Variants in NAALADL2 observed in about 807,000 individuals in gnomAD.
NAALADL2 encodes inactive N-acetylated-alpha-linked acidic dipeptidase-like protein 2.
A neutral mutation model predicts 87.2 loss-of-function variants in NAALADL2; 76 were observed. The observed-to-expected ratio is 0.87, with a 90% CI of 0.72 to 1.05. The LOEUF (loss-of-function observed/expected upper bound fraction) is 1.05. Among genes scored for constraint, NAALADL2 ranks in the 50% least tolerant of loss-of-function variants. NAALADL2 has a pLI of 0.00. For missense variants in NAALADL2, 1,089 were observed against 945.8 expected (o/e 1.15, Z -1.99); for synonymous variants, 354 against 331.0 (o/e 1.07, Z -0.75).
chr3:175,028,839 C>A (rs1752493076), intron 1 of NAALADL2, among the ~76,000 whole-genome samples: 1 of 151,324 alleles, frequency 6.6e-6, no homozygotes, highest in African/African-American at 2.4e-5. Flanking sequence ...CAAATTAAAC[C>A]AAAAATCTTA....
At chr3:175,367,862 G>A (rs369771712) in intron 5 of NAALADL2, among the ~76,000 whole-genome samples, 42 of 152,120 alleles carry the variant, frequency 2.8e-4, no homozygotes, top group Non-Finnish European at 4.9e-4. Context: ...TCTCCTGCCT[G>A]ATTGCCCTGG....
intron 11 of NAALADL2, among the ~76,000 whole-genome samples, chr3:175,734,417 C>T (rs185777607): frequency 8.4e-4 from 128 of 151,698 alleles, no homozygotes; most frequent in African/African-American, 2.7e-3. Flanking sequence ...ATTAGCTGGG[C>T]GTGGTGGTGG....
chr3:175,712,297 A>C (rs1398152181), intron 11 of NAALADL2, among the ~76,000 whole-genome samples: 4 of 152,090 alleles, frequency 2.6e-5, no homozygotes, highest in Admixed American at 2.0e-4. Context: ...ATCCGTCTGC[A>C]TGGCAATATT....
At chr3:174,595,548 T>C (rs1717806317) in intron 2 of NAALADL2, among the ~76,000 whole-genome samples, 1 of 152,156 alleles carries the variant, frequency 6.6e-6, no homozygotes, top group Non-Finnish European at 1.5e-5. Flanking sequence ...TCAGTTGAAC[T>C]CCCACCACTT....
Position 175,737,395 on chromosome 3 carries a change from TA to T in NAALADL2, c.1989del (p.Gly664ValfsTer10). On this transcript the variant is annotated frameshift_variant, in exon 12 of 14. Coordinates refer to ENST00000454872, the MANE Select transcript of NAALADL2 (RefSeq NM_207015.3). LOFTEE classifies it high-confidence loss of function. ...TAGCTTTAGAAGTTCAAAACAACCTTAAAGGTAATTTTCCTTTGAATTATAG... is the reference window on the plus strand; with the variant it reads ...TAGCTTTAGAAGTTCAAAACAACCTTAAGGTAATTTTCCTTTGAATTATAG... ...DIALEVQNNL[K>X]GDQPNTHQLL... 6.3e-7 allele frequency: 1 copy of T among 1,578,602 alleles called. No individual in the cohort carries two copies. Among genetic ancestry groups the T allele is most frequent in the Non-Finnish European group, 8.7e-7 (1 of 1,149,632 alleles).
intron 3 of NAALADL2, among the ~76,000 whole-genome samples, chr3:174,827,004 T>A (rs543709046): frequency 6.6e-6 from 1 of 152,334 alleles, no homozygotes; most frequent in Non-Finnish European, 1.5e-5. Flanking sequence ...TGAATAAGAA[T>A]CATTCATGAT....
chr3:175,732,682 A>G (rs1036645387), intron 11 of NAALADL2, among the ~76,000 whole-genome samples: 5 of 151,982 alleles, frequency 3.3e-5, no homozygotes, highest in African/African-American at 1.2e-4. Context: ...GGGCAGGGAG[A>G]CCTTGAGGCT....
At chr3:175,395,585 G>T (rs1769673369) in intron 5 of NAALADL2, among the ~76,000 whole-genome samples, 1 of 152,140 alleles carries the variant, frequency 6.6e-6, no homozygotes, top group Non-Finnish European at 1.5e-5. Context: ...ATAGGAAACT[G>T]ACCCATCATT....
intron 9 of NAALADL2, among the ~76,000 whole-genome samples, chr3:175,574,572 T>C (rs1336505701): frequency 6.6e-6 from 1 of 152,154 alleles, no homozygotes; most frequent in Admixed American, 6.5e-5. Flanking sequence ...TGTGTCTGGT[T>C]ACAGGAACTG....
chr3:174,658,944 A>G (rs889033425), intron 2 of NAALADL2, among the ~76,000 whole-genome samples: 4 of 152,144 alleles, frequency 2.6e-5, no homozygotes, highest in Non-Finnish European at 4.4e-5. Context: ...TCATTACACT[A>G]TATTTCAATT....
At chr3:175,311,004 C>CG (rs35937290) in intron 4 of NAALADL2, among the ~76,000 whole-genome samples, 1 of 151,630 alleles carries the variant, frequency 6.6e-6, no homozygotes, top group Non-Finnish European at 1.5e-5. Context: ...GTTTCCCCCG[C>CG]AATATTGGCT....
At chr3:175,050,686 T>C (rs979023249) in intron 1 of NAALADL2, among the ~76,000 whole-genome samples, 3 of 152,168 alleles carry the variant, frequency 2.0e-5, no homozygotes, top group African/African-American at 7.2e-5. Flanking sequence ...TACCATACTA[T>C]AAAGGTAAAG....
chr3:174,713,897 T>A (rs375907164), intron 2 of NAALADL2, among the ~76,000 whole-genome samples: 23 of 152,154 alleles, frequency 1.5e-4, no homozygotes, highest in Middle Eastern at 3.4e-3. Flanking sequence ...CTGAATGGTA[T>A]TGCCTAGGTT....
intron 13 of NAALADL2, among the ~76,000 whole-genome samples, chr3:175,764,731 G>A (rs1427868118): frequency 6.6e-6 from 1 of 152,028 alleles, no homozygotes; most frequent in Non-Finnish European, 1.5e-5. Context: ...AAATGAGACG[G>A]AACTATTAAA....
At chr3:175,138,924 A>ATATATATATG (rs1729571561) in intron 2 of NAALADL2, among the ~76,000 whole-genome samples, 2 of 136,980 alleles carry the variant, frequency 1.5e-5, no homozygotes, top group Non-Finnish European at 1.6e-5. Flanking sequence ...ATATATATAT[A>ATATATATATG]TGATAGTGAA....
At chr3:175,172,033 A>G (rs1478180577) in intron 2 of NAALADL2, among the ~76,000 whole-genome samples, 1 of 152,150 alleles carries the variant, frequency 6.6e-6, no homozygotes, top group African/African-American at 2.4e-5. Flanking sequence ...AAAGTCTTTT[A>G]TATTTTAAAG....
intron 2 of NAALADL2, among the ~76,000 whole-genome samples, chr3:175,190,820 CAA>C (rs906273664): frequency 6.6e-6 from 1 of 150,778 alleles, no homozygotes; most frequent in East Asian, 2.0e-4. Flanking sequence ...ACTAAAAATA[CAA>C]AAAAAATTAG....
At chr3:174,884,518 G>T (rs868591562) in intron 1 of NAALADL2, among the ~76,000 whole-genome samples, 3 of 152,168 alleles carry the variant, frequency 2.0e-5, no homozygotes, top group African/African-American at 7.2e-5. Flanking sequence ...AGGCAATGCT[G>T]TGTGGAATAC....
chr3:174,513,786 C>G (rs1034048410), intron 1 of NAALADL2, among the ~76,000 whole-genome samples: 1 of 152,188 alleles, frequency 6.6e-6, no homozygotes, highest in African/African-American at 2.4e-5. Context: ...TTTGGAGGGA[C>G]AGCACTTCAT....
Sources: gnomAD v4.1 joint callset for allele counts (sites outside exome capture counted in the v4.1 genomes callset) on GRCh38, gnomAD v4.1.1 for gene constraint, MANE v1.5 for transcripts, NCBI Gene and HGNC (gene_info 2026-07-23, HGNC 2026-07-21) for gene names.